Variants in CXCL12 observed in about 807,000 individuals in gnomAD.
CXCL12 encodes stromal cell-derived factor 1.
In CXCL12, 4 loss-of-function variants were observed where a neutral mutation model predicts 10.7. The observed-to-expected ratio is 0.37, with a 90% CI of 0.18 to 0.86. The LOEUF is 0.86. Among genes scored for constraint, CXCL12 ranks in the 40% least tolerant of loss-of-function variants. CXCL12 has a pLI of 0.43. For missense variants in CXCL12, 122 were observed against 110.4 expected (o/e 1.10, Z -0.47); for synonymous variants, 54 against 45.4 (o/e 1.19, Z -0.77).
chr10:44,385,015 G>C lies in CXCL12; in HGVS notation c.-10C>G. On this transcript the variant is annotated 5_prime_UTR_variant, in exon 1 of 3. Transcript: ENST00000343575. ...CGACCTTGGCGTTCATGGCGCGGGC[G>C]GGCGGGCGGGCGGGCGGACGAGCGC... 2 of 1,437,616 alleles carry C rather than the reference G, an allele frequency of 1.4e-6. No homozygotes were observed. The highest frequency in any genetic ancestry group is 1.8e-6 in the Non-Finnish European group (2 of 1,088,020). 89.1% of individuals were successfully genotyped at this position (1,437,616 alleles called of 1,614,324 possible).
intron 1 of CXCL12, 90 bp downstream of exon 1, chr10:44,384,855 T>G (rs1839749602): frequency 7.5e-7 from 1 of 1,340,474 alleles, no homozygotes; most frequent in African/African-American, 1.5e-5. Context: ...CGGCGCAAAC[T>G]GCGGGCGCAG....
intron 1 of CXCL12, among the ~76,000 whole-genome samples, chr10:44,382,113 C>T (rs1839650548): frequency 1.3e-5 from 2 of 152,200 alleles, no homozygotes; most frequent in South Asian, 4.1e-4. Context: ...CCCCCACTTC[C>T]TTGTCCCCAG....
chr10:44,374,929 A>G (rs1588895582), downstream of CXCL12, among the ~76,000 whole-genome samples: 2 of 152,164 alleles, frequency 1.3e-5, no homozygotes, highest in Non-Finnish European at 2.9e-5. Context: ...TTGCCAAAAA[A>G]TCTCACACAT....
chr10:44,382,391 GC>G (rs1298788226), intron 1 of CXCL12, among the ~76,000 whole-genome samples: 2 of 152,196 alleles, frequency 1.3e-5, no homozygotes, highest in African/African-American at 4.8e-5. Context: ...TGAGTGTTGT[GC>G]CTCCAGGTTT....
In CXCL12 at chr10:44,384,939, A is replaced by C; in HGVS notation, c.61+6T>G. 6.6e-7 allele frequency: 1 copy of C among 1,509,466 alleles called. No homozygotes were observed. Among genetic ancestry groups the C allele is most frequent in the Non-Finnish European group, 8.8e-7 (1 of 1,135,648 alleles). The allele number at this position is 1,509,466 out of a possible 1,614,324, so 93.5% of individuals were successfully genotyped here. ...TCGCCAGGGCCTCCCCGCCGAGCGC[A>C]CTTACCGTCGCTGAGGCAGAGCGCG... On this transcript the variant is annotated splice_donor_region_variant and intron_variant, in intron 1 of 2. Transcript: ENST00000343575.
At position 44,378,180 on chromosome 10, in the gene CXCL12, C is replaced by T. The variant is rs571019429; in HGVS notation, c.*453G>A. 1 of 1,415,460 alleles carries T rather than the reference C, an allele frequency of 7.1e-7. No individual in the cohort carries two copies. Among genetic ancestry groups the T allele is most frequent in the African/African-American group, 1.4e-5 (1 of 69,782 alleles). 87.7% of individuals were successfully genotyped at this position (1,415,460 alleles called of 1,614,324 possible). ...AAGAAAGGACACTTTTTCCAGCTCC[C>T]TGTTAAGCCACCACCTGACTGTGCC... On this transcript the variant is annotated 3_prime_UTR_variant, in exon 3 of 3. Transcript: ENST00000343575.
At chr10:44,374,614 C>T (rs1889402), downstream of CXCL12, 32 of 455,902 alleles carry the variant, frequency 7.0e-5, no homozygotes, top group South Asian at 2.5e-4. Flanking sequence ...ACCTCCCCAA[C>T]GAGGAGAAGG....
chr10:44,381,013 G>A lies in CXCL12; in HGVS notation c.62-133C>T, dbSNP rs17881068. 8.9e-3 allele frequency: 6,851 copies of A among 771,464 alleles called. 54 individuals are homozygous for A. The highest frequency in any genetic ancestry group is 0.012 in the Non-Finnish European group (5,143 of 432,874). 47.8% of individuals were successfully genotyped at this position (771,464 alleles called of 1,614,324 possible). A position where few individuals can be genotyped will look rare whatever the true frequency, so the allele number is the denominator to read the frequency against. On this transcript the variant is annotated intron_variant, in intron 1 of 2. Transcript: ENST00000343575. ...CACTGGGGTAAGTTCCAGGTTACTG[G>A]TGTATGTTGGGAAAGGCCATCTCCT...
At position 44,380,860 on chromosome 10, in the gene CXCL12, A is replaced by G; in HGVS notation, c.82T>C (p.Tyr28His). The change falls in exon 2 of 3, where the codon TAC (tyrosine) becomes CAC (histidine). Residue 28 changes from tyrosine to histidine, a missense_variant. Transcript: ENST00000343575. Reference sequence around the variant, plus strand: ...TCGAAGAATCGGCATGGGCATCTGTAGCTCAGGCTGACGGGCTTCCCTAGA... The same window carrying G: ...TCGAAGAATCGGCATGGGCATCTGTGGCTCAGGCTGACGGGCTTCCCTAGA... Reference protein sequence around the residue: ...LSDGKPVSLSYRCPCRFFESH... With the variant: ...LSDGKPVSLSHRCPCRFFESH... The G allele has an allele frequency of 6.2e-7, 1 of 1,614,210 alleles. No homozygotes were observed. The highest frequency in any genetic ancestry group is 1.6e-4 in the Middle Eastern group (1 of 6,062).
At chr10:44,375,075 C>T (rs929320367), downstream of CXCL12, among the ~76,000 whole-genome samples, 3 of 152,214 alleles carry the variant, frequency 2.0e-5, no homozygotes, top group East Asian at 3.9e-4. Flanking sequence ...CACGCCATCA[C>T]GCAGGAGGCG....
At chr10:44,374,557 G>A (rs1317239684), downstream of CXCL12, 1 of 456,088 alleles carries the variant, frequency 2.2e-6, no homozygotes, top group Non-Finnish European at 4.4e-6. Flanking sequence ...CCAGGTAAAA[G>A]AGATAGCAGC....
At chr10:44,380,057 C>A (rs1316397190) in intron 2 of CXCL12, among the ~76,000 whole-genome samples, 1 of 152,196 alleles carries the variant, frequency 6.6e-6, no homozygotes, top group African/African-American at 2.4e-5. Flanking sequence ...CCAGGAGACT[C>A]CCTGAGCCCT....
At chr10:44,380,447 C>T (rs917863942) in intron 2 of CXCL12, 21 of 287,862 alleles carry the variant, frequency 7.3e-5, no homozygotes, top group Admixed American at 3.2e-4. Context: ...ATTTACTAGG[C>T]TTCAGCCAAA....
At chr10:44,383,282 G>A (rs1839687338) in intron 1 of CXCL12, among the ~76,000 whole-genome samples, 2 of 152,156 alleles carry the variant, frequency 1.3e-5, no homozygotes, top group African/African-American at 4.8e-5. Flanking sequence ...TCTGCCTGGA[G>A]CCCAGGCTCC....
At chr10:44,380,740 T>C in intron 2 of CXCL12, 23 bp downstream of exon 2, 1 of 1,562,936 alleles carries the variant, frequency 6.4e-7, no homozygotes, top group Non-Finnish European at 8.8e-7. Context: ...GTTCGTTAGA[T>C]GATGTTCAAT....
chr10:44,383,593 C>T (rs914014739), intron 1 of CXCL12, among the ~76,000 whole-genome samples: 1 of 126,742 alleles, frequency 7.9e-6, no homozygotes, highest in Non-Finnish European at 1.6e-5. Context: ...AAACTAGAAA[C>T]ATGCCCCATG....
At chr10:44,372,925 A>C (rs2132036113), downstream of CXCL12, 2 of 1,535,644 alleles carry the variant, frequency 1.3e-6, no homozygotes, top group East Asian at 4.9e-5. Flanking sequence ...TGGCACCCCC[A>C]GGCGTCCCTC....
At chr10:44,375,758 G>T, downstream of CXCL12, 2 of 1,217,346 alleles carry the variant, frequency 1.6e-6, no homozygotes, top group Non-Finnish European at 1.1e-6. Context: ...ACCAACAAGG[G>T]CCTTAAAAAG....
chr10:44,371,439 G>A (rs1257765538), downstream of CXCL12: 3 of 395,042 alleles, frequency 7.6e-6, no homozygotes, highest in South Asian at 5.7e-5. Context: ...AATTATACTG[G>A]TATAGTGAGA....
Sources: allele counts gnomAD v4.1 joint callset (sites outside exome capture counted in the v4.1 genomes callset), GRCh38; gene constraint gnomAD v4.1.1; transcripts MANE v1.5; gene names NCBI Gene and HGNC (gene_info 2026-07-23, HGNC 2026-07-21).